Variants in CCDC171 observed in about 807,000 individuals in gnomAD.
CCDC171 encodes coiled-coil domain containing 171, also known as coiled-coil domain-containing protein 171.
Under a neutral mutation model 168.2 loss-of-function variants are expected in CCDC171, and 177 were observed. The observed-to-expected ratio is 1.05, with a 90% CI of 0.93 to 1.19. The LOEUF (loss-of-function observed/expected upper bound fraction) is 1.19, where lower values mean the gene tolerates loss of function less well. Among genes scored for constraint, CCDC171 ranks in the 50% most tolerant of loss-of-function variants. The pLI is 0.00. For missense variants in CCDC171, 1,991 were observed against 1,539.0 expected, an observed-to-expected ratio of 1.29 and a Z score of -4.91; for synonymous variants, 687 against 540.8, an observed-to-expected ratio of 1.27 and a Z score of -3.75.
chr9:15,591,910 A>G (rs1051127976), intron 5 of CCDC171, among the ~76,000 whole-genome samples: 42 of 152,306 alleles, frequency 2.8e-4, no homozygotes, highest in African/African-American at 9.1e-4. Context: ...TGAATATACA[A>G]TAAATATAGA....
At chr9:15,574,715 T>A (rs2040499478) in intron 3 of CCDC171, among the ~76,000 whole-genome samples, 2 of 152,220 alleles carry the variant, frequency 1.3e-5, no homozygotes, top group Non-Finnish European at 2.9e-5. Context: ...AAGGCCATAT[T>A]TGCCTTATCA....
At chr9:15,628,357 C>T (rs567941336) in intron 7 of CCDC171, among the ~76,000 whole-genome samples, 15 of 152,298 alleles carry the variant, frequency 9.8e-5, no homozygotes, top group East Asian at 9.7e-4. Context: ...GCTTAAAAAA[C>T]GGCGCACCAG....
chr9:16,077,400 C>A, the CCDC171 span, among the ~76,000 whole-genome samples: 6 of 152,172 alleles, frequency 3.9e-5, no homozygotes, highest in Admixed American at 6.5e-5. Context: ...TTGCCATGAC[C>A]TTGCATGACC....
chr9:15,994,585 TAAAAA>T (rs1022373937), intron 3 of CCDC171, among the ~76,000 whole-genome samples: 21 of 152,036 alleles, frequency 1.4e-4, no homozygotes, highest in African/African-American at 4.6e-4. Context: ...AAAGTATATA[TAAAAA>T]AAAGTTTCTC....
the CCDC171 span, among the ~76,000 whole-genome samples, chr9:16,080,149 C>T: frequency 6.6e-6 from 1 of 152,242 alleles, no homozygotes; most frequent in South Asian, 2.1e-4. Context: ...GAGCCTTTAC[C>T]CTCTCAGGCA....
intron 1 of CCDC171, among the ~76,000 whole-genome samples, chr9:16,052,134 C>A (rs1032970460): frequency 6.6e-6 from 1 of 152,198 alleles, no homozygotes; most frequent in African/African-American, 2.4e-5. Context: ...AACCAAATCA[C>A]CCCTTTTGTT....
intron 21 of CCDC171, among the ~76,000 whole-genome samples, chr9:15,830,708 G>A (rs2060193865): frequency 6.6e-6 from 1 of 152,122 alleles, no homozygotes; most frequent in Admixed American, 6.5e-5. Context: ...AAAGTGATTG[G>A]ATATTGAAGG....
downstream of CCDC171, among the ~76,000 whole-genome samples, chr9:16,063,855 G>A (rs959412326): frequency 1.3e-5 from 2 of 152,224 alleles, no homozygotes; most frequent in African/African-American, 4.8e-5. Flanking sequence ...AGGTCACACA[G>A]CTAAATTCTA....
chr9:15,674,042 A>T (rs866480823), intron 9 of CCDC171, among the ~76,000 whole-genome samples: 1 of 152,200 alleles, frequency 6.6e-6, no homozygotes, highest in African/African-American at 2.4e-5. Context: ...TTATTGGTCT[A>T]TTCAGAGATT....
chr9:15,927,001 C>T (rs887401570), intron 25 of CCDC171, among the ~76,000 whole-genome samples: 1 of 151,566 alleles, frequency 6.6e-6, no homozygotes, highest in African/African-American at 2.4e-5. Context: ...CATTACTATC[C>T]TATCCAGCCA....
intron 10 of CCDC171, among the ~76,000 whole-genome samples, chr9:15,680,473 T>C (rs2049964756): frequency 6.6e-6 from 1 of 152,230 alleles, no homozygotes; most frequent in Non-Finnish European, 1.5e-5. Context: ...GGTCACCAAA[T>C]CAGTGCTGCC....
intron 10 of CCDC171, among the ~76,000 whole-genome samples, chr9:15,684,085 A>G (rs2050219786): frequency 6.6e-6 from 1 of 152,158 alleles, no homozygotes; most frequent in African/African-American, 2.4e-5. Context: ...CCTTAAGCCC[A>G]TACAAATGCA....
chr9:16,070,909 G>A, the CCDC171 span, among the ~76,000 whole-genome samples: 8 of 152,146 alleles, frequency 5.3e-5, no homozygotes, highest in African/African-American at 1.7e-4. Flanking sequence ...GTTTGGATGG[G>A]GGATTTTTGG....
At chr9:16,068,927 G>C in the CCDC171 span, among the ~76,000 whole-genome samples, 1 of 152,280 alleles carries the variant, frequency 6.6e-6, no homozygotes, top group African/African-American at 2.4e-5. Context: ...GGTGAGCATT[G>C]TGTCTTCATC....
intron 24 of CCDC171, among the ~76,000 whole-genome samples, chr9:15,881,625 C>G (rs2131342796): frequency 6.6e-6 from 1 of 152,334 alleles, no homozygotes; most frequent in South Asian, 2.1e-4. Context: ...TCATCCCCTT[C>G]TCAACCACTA....
chr9:15,646,002 G>C (rs538862937), intron 7 of CCDC171, among the ~76,000 whole-genome samples: 1 of 152,144 alleles, frequency 6.6e-6, no homozygotes. Context: ...AGAGAGAAAG[G>C]TCGGGTTACC....
intron 24 of CCDC171, among the ~76,000 whole-genome samples, chr9:15,887,499 G>A (rs547655937): frequency 1.3e-5 from 2 of 152,046 alleles, no homozygotes; most frequent in Admixed American, 6.6e-5. Context: ...GTAAACTGTG[G>A]CATATAAAAT....
chr9:15,658,134 T>C (rs1423592176), intron 8 of CCDC171, among the ~76,000 whole-genome samples: 1 of 152,252 alleles, frequency 6.6e-6, no homozygotes, highest in Non-Finnish European at 1.5e-5. Context: ...AAATAAAATG[T>C]ACTTGTTTAT....
At chr9:15,593,208 C>A (rs569922783) in intron 5 of CCDC171, among the ~76,000 whole-genome samples, 1 of 152,170 alleles carries the variant, frequency 6.6e-6, no homozygotes, top group South Asian at 2.1e-4. Context: ...TTATACAGAT[C>A]CATGCTACCA....
Sources: allele counts gnomAD v4.1 joint callset (sites outside exome capture counted in the v4.1 genomes callset), GRCh38; gene constraint gnomAD v4.1.1; transcripts MANE v1.5; gene names NCBI Gene and HGNC (gene_info 2026-07-23, HGNC 2026-07-21).